Variants in SEMA3C observed in about 807,000 individuals in gnomAD.
The protein encoded by SEMA3C is semaphorin 3C, also known as semaphorin-3C.
In SEMA3C, 47 loss-of-function variants were observed where a neutral mutation model predicts 89.4. The ratio of observed to expected loss-of-function variants is 0.53; its 90% CI spans 0.42 to 0.67. The LOEUF (loss-of-function observed/expected upper bound fraction) is 0.67, where lower values mean the gene tolerates loss of function less well. SEMA3C is among the 30% of genes least tolerant of loss of function. The probability of loss-of-function intolerance (pLI) is 0.00; values close to 1 mark genes in which losing one functional copy is unlikely to be tolerated. For synonymous variants in SEMA3C, 310 were observed against 320.2 expected, an observed-to-expected ratio of 0.97 and a Z score of 0.34; for missense variants, 839 against 929.1, an observed-to-expected ratio of 0.90 and a Z score of 1.26.
chr7:80,902,833 A>T (rs1405172637), intron 2 of SEMA3C, among the ~76,000 whole-genome samples: 1 of 152,166 alleles, frequency 6.6e-6, no homozygotes, highest in African/African-American at 2.4e-5. Context: ...TGTTGAGTAT[A>T]CCAAAACAGA....
chr7:80,779,024 C>T (rs929997007), intron 12 of SEMA3C, among the ~76,000 whole-genome samples: 2 of 152,158 alleles, frequency 1.3e-5, no homozygotes, highest in African/African-American at 4.8e-5. Flanking sequence ...ACCCACATTG[C>T]TAATGACTCC....
chr7:80,750,473 T>TACACACACACACAC lies in SEMA3C; in HGVS notation c.1711+782_1711+795dup, dbSNP rs56793292. ...ATATATATATATATATATATATATA[T>TACACACACACACAC]ACACACACACACACACACACACACA... On this transcript the variant is annotated intron_variant, in intron 16 of 17. Coordinates refer to ENST00000265361, the MANE Select transcript of SEMA3C (RefSeq NM_006379.5). 4.7e-3 allele frequency among the ~76,000 whole-genome samples: 262 copies of TACACACACACACAC among 55,386 alleles called. 7 individuals are homozygous for TACACACACACACAC. Among genetic ancestry groups the TACACACACACACAC allele is most frequent in the Middle Eastern group, 0.023 (2 of 86 alleles). 36.3% of individuals were successfully genotyped at this position (55,386 alleles called of 152,430 possible). A position where few individuals can be genotyped will look rare whatever the true frequency, so the allele number is the denominator to read the frequency against.
chr7:80,837,249 A>G (rs1441762017), intron 2 of SEMA3C, among the ~76,000 whole-genome samples: 5 of 152,212 alleles, frequency 3.3e-5, no homozygotes, highest in Non-Finnish European at 5.9e-5. Flanking sequence ...AGATGTTAAC[A>G]CATAGGAATG....
chr7:80,795,873 C>A (rs1031805655), intron 11 of SEMA3C, among the ~76,000 whole-genome samples: 2 of 151,800 alleles, frequency 1.3e-5, no homozygotes, highest in African/African-American at 4.8e-5. Context: ...TGGCTGATTT[C>A]AAGTTACCAC....
At chr7:80,922,013 A>G (rs1206415420), upstream of SEMA3C, among the ~76,000 whole-genome samples, 4 of 152,230 alleles carry the variant, frequency 2.6e-5, no homozygotes, top group Non-Finnish European at 5.9e-5. Flanking sequence ...TTAATCATTC[A>G]GAGGTTAAAA....
At chr7:80,775,683 C>CT (rs967952015) in intron 12 of SEMA3C, among the ~76,000 whole-genome samples, 3 of 151,580 alleles carry the variant, frequency 2.0e-5, no homozygotes, top group Non-Finnish European at 2.9e-5. Context: ...TATGGTGGTG[C>CT]TTTTTTTTAC....
chr7:80,828,873 A>T, intron 2 of SEMA3C, 128 bp from the exon 3 acceptor site: 1 of 721,372 alleles, frequency 1.4e-6, no homozygotes, highest in South Asian at 2.8e-5. Flanking sequence ...GTAAGAAATT[A>T]ATTTTAAAAT....
intron 13 of SEMA3C, among the ~76,000 whole-genome samples, chr7:80,763,988 A>G (rs879129015): frequency 6.6e-6 from 1 of 152,222 alleles, no homozygotes; most frequent in Non-Finnish European, 1.5e-5. Flanking sequence ...TACAAATTTA[A>G]TAATATAGTA....
At chr7:80,817,237 A>G (rs1321207713) in intron 5 of SEMA3C, among the ~76,000 whole-genome samples, 2 of 152,334 alleles carry the variant, frequency 1.3e-5, no homozygotes, top group Admixed American at 6.5e-5. Context: ...ATACTTATGT[A>G]TAAATTACAT....
chr7:80,817,194 G>GACTTTTTAAATTTATTTAAA (rs1789628340), intron 5 of SEMA3C, among the ~76,000 whole-genome samples: 1 of 151,912 alleles, frequency 6.6e-6, no homozygotes, highest in African/African-American at 2.4e-5. Flanking sequence ...ATTATAATTA[G>GACTTTTTAAATTTATTTAAA]TTATTTTTAA....
intron 5 of SEMA3C, among the ~76,000 whole-genome samples, chr7:80,812,952 A>AT (rs1160154359): frequency 8.0e-6 from 1 of 124,982 alleles, no homozygotes; most frequent in African/African-American, 3.1e-5. Flanking sequence ...ACGCCTGGCT[A>AT]TTTTTTGTAT....
chr7:80,797,724 G>A (rs901544577), intron 11 of SEMA3C, among the ~76,000 whole-genome samples: 1 of 152,118 alleles, frequency 6.6e-6, no homozygotes, highest in Non-Finnish European at 1.5e-5. Context: ...TTCAGGCCGG[G>A]TGCGGTGGCT....
At chr7:80,885,729 CAT>C (rs564233663) in intron 2 of SEMA3C, among the ~76,000 whole-genome samples, 133 of 147,160 alleles carry the variant, frequency 9.0e-4, no homozygotes, top group Non-Finnish European at 1.6e-3. Context: ...GTTTTAAACA[CAT>C]GAGTCAAAGT....
At chr7:80,766,533 G>T (rs1013215844) in intron 12 of SEMA3C, among the ~76,000 whole-genome samples, 1 of 152,194 alleles carries the variant, frequency 6.6e-6, no homozygotes, top group African/African-American at 2.4e-5. Context: ...AAAAAATTCT[G>T]TAACGGGGCC....
At chr7:80,775,173 C>A (rs897094825) in intron 12 of SEMA3C, among the ~76,000 whole-genome samples, 3 of 150,364 alleles carry the variant, frequency 2.0e-5, no homozygotes, top group Non-Finnish European at 4.4e-5. Flanking sequence ...TTGTTGCCTG[C>A]AGACCTCCTG....
In SEMA3C at chr7:80,802,756, G is replaced by A. The variant is rs1252936828; in HGVS notation, c.825C>T (p.Ser275=). 1.2e-6 allele frequency: 2 copies of A among 1,612,846 alleles called. No homozygotes were observed. The highest frequency in any genetic ancestry group is 1.7e-6 in the Non-Finnish European group (2 of 1,179,138). The change falls in exon 9 of 18, where the codon AGC becomes AGT. Residue 275 remains serine, a synonymous_variant. Coordinates refer to ENST00000265361, the MANE Select transcript of SEMA3C (RefSeq NM_006379.5). ...ICPNDTGGLR[S]LVNKWTTFLK... ...AGAAAGTGGTCCACTTGTTGACAAGGCTACGCAGTCCACCAGTGTCATTCT... is the reference window on the plus strand; with the variant it reads ...AGAAAGTGGTCCACTTGTTGACAAGACTACGCAGTCCACCAGTGTCATTCT...
chr7:80,914,482 C>G (rs181470886), intron 2 of SEMA3C, among the ~76,000 whole-genome samples: 168 of 148,180 alleles, frequency 1.1e-3, no homozygotes, highest in South Asian at 2.4e-3. Flanking sequence ...TCGCCTGATA[C>G]TTTCCCTATA....
chr7:80,786,060 G>C (rs1048373335), intron 12 of SEMA3C, among the ~76,000 whole-genome samples: 2 of 152,212 alleles, frequency 1.3e-5, no homozygotes, highest in African/African-American at 4.8e-5. Flanking sequence ...GGCAGGGGCA[G>C]TGTCACAGCA....
chr7:80,916,883 G>A, intron 1 of SEMA3C, 64 bp from the exon 2 acceptor site: 1 of 1,399,132 alleles, frequency 7.1e-7, no homozygotes, highest in Non-Finnish European at 9.8e-7. Flanking sequence ...GGAAAAAACA[G>A]CAATCTAGAC....
Sources: allele counts gnomAD v4.1 joint callset (sites outside exome capture counted in the v4.1 genomes callset), GRCh38; gene constraint gnomAD v4.1.1; transcripts MANE v1.5; gene names NCBI Gene and HGNC (gene_info 2026-07-23, HGNC 2026-07-21).